The following CBX3 variants were observed in gnomAD, a reference collection of about 807,000 sequenced individuals.
CBX3 encodes the protein chromobox protein homolog 3.
Under a neutral mutation model 22.6 loss-of-function variants are expected in CBX3, and 5 were observed. The observed-to-expected ratio is 0.22, with a 90% CI of 0.12 to 0.47. The LOEUF is 0.47. CBX3 is among the 20% of genes least tolerant of loss of function. The pLI is 0.99. For missense variants in CBX3, 83 were observed against 208.1 expected, an observed-to-expected ratio of 0.40 and a Z score of 3.70; for synonymous variants, 50 against 66.6, an observed-to-expected ratio of 0.75 and a Z score of 1.21.
intron 3 of CBX3, chr7:26,208,050 A>T: frequency 6.8e-6 from 1 of 147,282 alleles, no homozygotes; most frequent in Non-Finnish European, 1.5e-5. Context: ...TTCTCTATTA[A>T]AAAAAAAAAA....
At chr7:26,205,039 T>G (rs567182254) in intron 2 of CBX3, among the ~76,000 whole-genome samples, 1 of 152,324 alleles carries the variant, frequency 6.6e-6, no homozygotes, top group African/African-American at 2.4e-5. Flanking sequence ...TCTGCCCACC[T>G]CGGCCTCCCA....
Position 26,213,567 on chromosome 7 carries a change from C to G in CBX3, c.*1359C>G, listed in dbSNP as rs1784863161. Among the ~76,000 whole-genome samples the G allele has an allele frequency of 6.6e-6, 1 of 152,120 alleles. No homozygotes were observed. The highest frequency in any genetic ancestry group is 1.9e-4 in the East Asian group (1 of 5,182). ...GGGAAATAAAAGTTTCATGTGATGC[C>G]TAGGGTCAATTGTCTCATTAAAATG... is the stretch of plus-strand genomic sequence containing the variant. On this transcript the variant is annotated 3_prime_UTR_variant, in exon 6 of 6. Coordinates refer to ENST00000396386, the MANE Select transcript of CBX3 (RefSeq NM_016587.4).
Position 26,206,408 on chromosome 7 carries a change from T to G in CBX3, c.65T>G (p.Val22Gly). 1.2e-6 allele frequency: 2 copies of G among 1,613,144 alleles called. No homozygotes were observed. Among genetic ancestry groups the G allele is most frequent in the Non-Finnish European group, 1.7e-6 (2 of 1,179,642 alleles). ...AAACAGAATGGAAAGAGTAAAAAAG[T>G]TGAAGAGGCAGAGCCTGAAGAATTT... ...GKKQNGKSKK[V>G]EEAEPEEFVV... Residue 22 changes from valine (V) to glycine (G), a missense_variant, in exon 3 of 6, where the codon GTT becomes GGT. Coordinates refer to ENST00000396386, the MANE Select transcript of CBX3 (RefSeq NM_016587.4).
At chr7:26,207,873 C>T (rs1784715291) in intron 3 of CBX3, among the ~76,000 whole-genome samples, 1 of 151,636 alleles carries the variant, frequency 6.6e-6, no homozygotes, top group Admixed American at 6.6e-5. Flanking sequence ...TTGTCCTCTA[C>T]CCAGTAATTT....
intron 2 of CBX3, among the ~76,000 whole-genome samples, chr7:26,205,439 G>C (rs763206793): frequency 6.6e-5 from 10 of 150,470 alleles, no homozygotes; most frequent in Non-Finnish European, 1.2e-4. Flanking sequence ...TTATAGTTTT[G>C]TTCTAAGTGG....
intron 5 of CBX3, 63 bp from the exon 6 acceptor site, chr7:26,212,019 A>G: frequency 2.2e-6 from 3 of 1,392,412 alleles, no homozygotes; most frequent in Non-Finnish European, 1.9e-6. Context: ...TCTTAAATGA[A>G]TGGCTGTCGG....
In CBX3 at chr7:26,212,455, G is replaced by A. The variant is rs1314932992; in HGVS notation, c.*247G>A. 5.7e-6 allele frequency: 1 copy of A among 176,736 alleles called. No individual in the cohort carries two copies. Among genetic ancestry groups the A allele is most frequent in the African/African-American group, 2.4e-5 (1 of 41,922 alleles). 10.9% of individuals were successfully genotyped at this position (176,736 alleles called of 1,614,324 possible). A position where few individuals can be genotyped will look rare whatever the true frequency, so the allele number is the denominator to read the frequency against. On this transcript the variant is annotated 3_prime_UTR_variant, in exon 6 of 6. Transcript: ENST00000396386. ...TCAGAAAAGAACATTTGATACCATG[G>A]TATATCATTTCCTCTTCATTAAAGA...
chr7:26,204,270 T>G (rs1373010989), intron 2 of CBX3, among the ~76,000 whole-genome samples: 1 of 152,152 alleles, frequency 6.6e-6, no homozygotes, highest in East Asian at 1.9e-4. Flanking sequence ...TCCTTTTCAT[T>G]TTCTGTATTT....
intron 1 of CBX3, chr7:26,202,770 G>C (rs779456757): frequency 1.9e-6 from 1 of 537,684 alleles, no homozygotes; most frequent in Non-Finnish European, 3.3e-6. Flanking sequence ...CCCCAGTAAA[G>C]TCTTTCTAGA....
intron 4 of CBX3, 57 bp from the exon 5 acceptor site, chr7:26,211,605 C>T: frequency 1.9e-6 from 2 of 1,055,998 alleles, no homozygotes; most frequent in East Asian, 5.0e-5. Context: ...TTAAAATACG[C>T]CATGAAAACA....
intron 5 of CBX3, 89 bp downstream of exon 5, chr7:26,211,845 A>G (rs1784808003): frequency 5.9e-6 from 6 of 1,025,538 alleles, no homozygotes; most frequent in Non-Finnish European, 7.2e-6. Flanking sequence ...AGGTAGGGAA[A>G]AACTATCTGC....
chr7:26,208,294 T>G (rs1784726079), intron 3 of CBX3, 99 bp from the exon 4 acceptor site: 1 of 1,010,592 alleles, frequency 9.9e-7, no homozygotes, highest in South Asian at 1.9e-5. Flanking sequence ...TACAGAGGAC[T>G]TTTTATTCCC....
In CBX3 at chr7:26,202,750, G is replaced by A. The variant is rs1273220941; in HGVS notation, c.-28-221G>A. ...TTTAAGCCATGTGAAGCTGTTTTAG[G>A]TACCAGGATCCCCAGTAAAGTCTTT... On this transcript the variant is annotated intron_variant, in intron 1 of 5. Transcript: ENST00000396386. The A allele has an allele frequency of 2.5e-5, 13 of 511,852 alleles. 1 individual carries two copies. The South Asian group carries it at 3.2e-4, about 13-fold the overall frequency. The allele number at this position is 511,852 out of a possible 1,614,324, so 31.7% of individuals were successfully genotyped here.
chr7:26,201,983 T>TCGCGGCTGGCCTGGCG (rs1386262860), intron 1 of CBX3, 157 bp downstream of exon 1: 3 of 151,758 alleles, frequency 2.0e-5, no homozygotes, highest in African/African-American at 7.3e-5. Context: ...GGCGGTGGCC[T>TCGCGGCTGGCCTGGCG]CGCGGCTGGC....
At chr7:26,211,048 T>G (rs1333829353) in intron 4 of CBX3, among the ~76,000 whole-genome samples, 1 of 117,156 alleles carries the variant, frequency 8.5e-6, no homozygotes, top group Non-Finnish European at 1.8e-5. Context: ...ACACATAAAA[T>G]AGACTTAATA....
intron 2 of CBX3, among the ~76,000 whole-genome samples, chr7:26,204,620 G>A (rs1276376666): frequency 6.6e-6 from 1 of 152,074 alleles, no homozygotes; most frequent in Non-Finnish European, 1.5e-5. Flanking sequence ...GCAGTCTTGA[G>A]GCCTTTCTTA....
At chr7:26,211,128 G>C (rs1301171115) in intron 4 of CBX3, among the ~76,000 whole-genome samples, 2 of 149,108 alleles carry the variant, frequency 1.3e-5, no homozygotes, top group African/African-American at 2.5e-5. Flanking sequence ...TTTTAAGAAA[G>C]TTTACAAATT....
upstream of CBX3, chr7:26,201,491 TC>T (rs1340357856): frequency 6.6e-6 from 1 of 151,938 alleles, no homozygotes; most frequent in African/African-American, 2.4e-5. Flanking sequence ...CTGAGGAGAC[TC>T]CGGTCACTGT....
intron 4 of CBX3, among the ~76,000 whole-genome samples, chr7:26,211,349 T>C (rs1416033404): frequency 2.6e-5 from 4 of 152,320 alleles, no homozygotes; most frequent in African/African-American, 9.6e-5. Context: ...TTCAAGACTT[T>C]ATTATTACCA....
Sources: allele counts gnomAD v4.1 joint callset (sites outside exome capture counted in the v4.1 genomes callset), GRCh38; gene constraint gnomAD v4.1.1; transcripts MANE v1.5; gene names NCBI Gene and HGNC (gene_info 2026-07-23, HGNC 2026-07-21).